The following COL23A1 variants were observed in gnomAD, a reference collection of about 807,000 sequenced individuals.
The protein encoded by COL23A1 is collagen alpha-1(XXIII) chain.
Under a neutral mutation model 99.3 loss-of-function variants are expected in COL23A1, and 97 were observed. The observed-to-expected ratio is 0.98, with a 90% CI of 0.83 to 1.16. The LOEUF (loss-of-function observed/expected upper bound fraction) is 1.16. Ranked by LOEUF, COL23A1 falls within the 50% of genes most tolerant of loss-of-function variation. The probability of loss-of-function intolerance (pLI) is 0.00; values close to 1 mark genes in which losing one functional copy is unlikely to be tolerated. For missense variants in COL23A1, 762 were observed against 757.4 expected (o/e 1.01, Z -0.07); for synonymous variants, 320 against 308.2 (o/e 1.04, Z -0.40).
intron 5 of COL23A1, among the ~76,000 whole-genome samples, chr5:178,278,048 C>T (rs1248747644): frequency 6.6e-6 from 1 of 152,176 alleles, no homozygotes; most frequent in Non-Finnish European, 1.5e-5. Context: ...TGGTGCCAGC[C>T]GTGGATGGGG....
chr5:178,378,929 G>C (rs1012333564), intron 2 of COL23A1, among the ~76,000 whole-genome samples: 4 of 152,172 alleles, frequency 2.6e-5, no homozygotes, highest in African/African-American at 9.7e-5. Context: ...AAAGCTCTAA[G>C]AGCCAAGAGT....
intron 3 of COL23A1, among the ~76,000 whole-genome samples, chr5:178,297,779 TA>T (rs33962826): frequency 0.66 from 100,057 of 151,958 alleles, 33,558 homozygotes; most frequent in African/African-American, 0.71. Flanking sequence ...CACAAGCACT[TA>T]AGTCAGCATG....
chr5:178,266,616 G>A (rs1052108045), intron 8 of COL23A1, among the ~76,000 whole-genome samples: 2 of 152,130 alleles, frequency 1.3e-5, no homozygotes, highest in African/African-American at 4.8e-5. Context: ...AACTCAGCAT[G>A]AGCGCCCTTT....
intron 2 of COL23A1, among the ~76,000 whole-genome samples, chr5:178,425,739 G>A (rs1280226701): frequency 2.0e-5 from 3 of 152,244 alleles, no homozygotes; most frequent in African/African-American, 4.8e-5. Context: ...AAAGATGGCT[G>A]CAGTGCACCA....
At chr5:178,552,874 T>C (rs559936359) in intron 2 of COL23A1, among the ~76,000 whole-genome samples, 1 of 151,486 alleles carries the variant, frequency 6.6e-6, no homozygotes, top group Non-Finnish European at 1.5e-5. Context: ...CCACCACACC[T>C]GGCTAATTTT....
At chr5:178,491,110 G>C (rs991490797) in intron 2 of COL23A1, among the ~76,000 whole-genome samples, 7 of 151,560 alleles carry the variant, frequency 4.6e-5, no homozygotes, top group African/African-American at 1.7e-4. Context: ...GGGGGAAAGA[G>C]AGAGGAGACA....
chr5:178,441,330 G>A (rs181633409), intron 2 of COL23A1, among the ~76,000 whole-genome samples: 2 of 152,240 alleles, frequency 1.3e-5, no homozygotes, highest in Non-Finnish European at 2.9e-5. Flanking sequence ...ATACATACAC[G>A]TGCATTTTTT....
At chr5:178,500,204 A>G (rs918394236) in intron 2 of COL23A1, among the ~76,000 whole-genome samples, 5 of 152,146 alleles carry the variant, frequency 3.3e-5, no homozygotes, top group African/African-American at 1.2e-4. Context: ...TGATGGTTTC[A>G]TGAGTGTATG....
intron 2 of COL23A1, among the ~76,000 whole-genome samples, chr5:178,507,124 A>C (rs1758917115): frequency 6.6e-6 from 1 of 152,052 alleles, no homozygotes; most frequent in African/African-American, 2.4e-5. Flanking sequence ...ATGTAGACAC[A>C]CTCCTATTTC....
rs559131679 is a variant in COL23A1 at position 178,572,077 on chromosome 5, A to C, written c.295-11329T>G. 2.6e-3 allele frequency among the ~76,000 whole-genome samples: 399 copies of C among 151,490 alleles called. 11 individuals are homozygous for C. Among genetic ancestry groups the C allele is most frequent in the African/African-American group, 3.7e-3 (151 of 41,158 alleles). ...AGCGAGACTCTTTCTCAAAACAAAA[A>C]AAAAAAAGACCTAAACTGAAATTCC... On this transcript the variant is annotated intron_variant, in intron 1 of 28. Coordinates refer to ENST00000390654, the MANE Select transcript of COL23A1 (RefSeq NM_173465.4).
intron 2 of COL23A1, among the ~76,000 whole-genome samples, chr5:178,446,304 T>C (rs989598413): frequency 1.3e-5 from 2 of 150,866 alleles, no homozygotes; most frequent in Non-Finnish European, 3.0e-5. Context: ...AGCATAAAAC[T>C]ACATGAAAAA....
chr5:178,290,467 C>A, intron 3 of COL23A1, 98 bp from the exon 4 acceptor site: 1 of 1,477,788 alleles, frequency 6.8e-7, no homozygotes. Flanking sequence ...AGCACGGCTC[C>A]TGGCCACCTC....
At chr5:178,422,832 A>G (rs1339953339) in intron 2 of COL23A1, among the ~76,000 whole-genome samples, 1 of 152,212 alleles carries the variant, frequency 6.6e-6, no homozygotes, top group East Asian at 1.9e-4. Flanking sequence ...GAGTATAATT[A>G]TAAATAATTA....
At chr5:178,344,062 G>T (rs1397466399) in intron 2 of COL23A1, among the ~76,000 whole-genome samples, 1 of 152,108 alleles carries the variant, frequency 6.6e-6, no homozygotes, top group African/African-American at 2.4e-5. Flanking sequence ...CCCATCACTT[G>T]AACTTTTAGA....
chr5:178,367,616 G>A (rs1303968560), intron 2 of COL23A1, among the ~76,000 whole-genome samples: 3 of 152,176 alleles, frequency 2.0e-5, no homozygotes, highest in East Asian at 3.9e-4. Flanking sequence ...GCTGGGGGCG[G>A]GGTCAAACCA....
chr5:178,571,937 G>A (rs1002225196), intron 1 of COL23A1, among the ~76,000 whole-genome samples: 43 of 152,010 alleles, frequency 2.8e-4, no homozygotes, highest in Admixed American at 7.2e-4. Context: ...GTGTGGTGGC[G>A]GGCGCCTGTA....
At chr5:178,413,920 T>C (rs1175964350) in intron 2 of COL23A1, among the ~76,000 whole-genome samples, 1 of 152,238 alleles carries the variant, frequency 6.6e-6, no homozygotes, top group Non-Finnish European at 1.5e-5. Context: ...CATCTGCAGA[T>C]AAGGTCTTGG....
intron 2 of COL23A1, among the ~76,000 whole-genome samples, chr5:178,454,957 G>A (rs942229103): frequency 5.3e-5 from 8 of 152,150 alleles, no homozygotes; most frequent in Non-Finnish European, 1.2e-4. Flanking sequence ...TCCCCTTCCC[G>A]GCCTGTGGAG....
chr5:178,360,758 G>A (rs1297879189), intron 2 of COL23A1, among the ~76,000 whole-genome samples: 1 of 152,220 alleles, frequency 6.6e-6, no homozygotes, highest in Admixed American at 6.5e-5. Flanking sequence ...CCCACACGGA[G>A]CAGGTGCACC....
Sources: gnomAD v4.1 joint callset for allele counts (sites outside exome capture counted in the v4.1 genomes callset) on GRCh38, gnomAD v4.1.1 for gene constraint, MANE v1.5 for transcripts, NCBI Gene and HGNC (gene_info 2026-07-23, HGNC 2026-07-21) for gene names.